Variants in CMSS1 observed in about 807,000 individuals in gnomAD.
CMSS1 encodes cms1 ribosomal small subunit homolog, also known as protein CMSS1.
CMSS1 carries 33 observed loss-of-function variants against 43.5 expected under a neutral mutation model. The ratio of observed to expected loss-of-function variants is 0.76; its 90% CI spans 0.57 to 1.01. CMSS1 has a LOEUF of 1.01. Ranked by LOEUF, CMSS1 falls within the 50% of genes least tolerant of loss-of-function variation. The pLI, the probability that CMSS1 is intolerant of heterozygous loss-of-function variation, is 0.00. For missense variants in CMSS1, 313 were observed against 326.4 expected (o/e 0.96, Z 0.32); for synonymous variants, 115 against 117.2 (o/e 0.98, Z 0.12).
rs1379263052 is a variant in CMSS1 at position 99,976,041 on chromosome 3, T to C, written c.64+157998T>C. On this transcript the variant is annotated intron_variant, in intron 1 of 9. Transcript: ENST00000421999. The stretch of plus-strand genomic sequence containing the variant: ...CTGGGACTACAGGCATGTGCCACTA[T>C]GCCCAGCTAATTTTTGTATTTTTAG... Among the ~76,000 whole-genome samples the C allele has an allele frequency of 7.9e-4, 120 of 152,254 alleles. 1 individual carries two copies. The highest frequency in any genetic ancestry group is 1.0e-4 in the Non-Finnish European group (7 of 68,002).
chr3:100,004,924 C>T (rs1293091593), intron 1 of CMSS1, among the ~76,000 whole-genome samples: 2 of 152,108 alleles, frequency 1.3e-5, no homozygotes, highest in Non-Finnish European at 2.9e-5. Flanking sequence ...GCCTCATACC[C>T]ATTAGATATT....
chr3:100,151,371 T>C (rs2066906574), intron 2 of CMSS1, among the ~76,000 whole-genome samples: 1 of 152,228 alleles, frequency 6.6e-6, no homozygotes, highest in Admixed American at 6.5e-5. Flanking sequence ...TCTGCTTCTC[T>C]TGTCAGGTAC....
intron 6 of CMSS1, among the ~76,000 whole-genome samples, chr3:100,170,469 C>T (rs1234783795): frequency 6.6e-6 from 1 of 152,166 alleles, no homozygotes; most frequent in Admixed American, 6.5e-5. Context: ...AAGGTGGCCC[C>T]AACTGGGGGC....
chr3:99,938,115 G>T (rs1403497704), intron 1 of CMSS1, among the ~76,000 whole-genome samples: 2 of 152,032 alleles, frequency 1.3e-5, no homozygotes, highest in African/African-American at 4.8e-5. Context: ...GTGCTGGGTG[G>T]GGAAGAAATG....
intron 2 of CMSS1, among the ~76,000 whole-genome samples, chr3:100,153,481 C>T (rs2066940717): frequency 6.6e-6 from 1 of 152,214 alleles, no homozygotes; most frequent in African/African-American, 2.4e-5. Context: ...TAGAAGTCTG[C>T]GATCAAGATG....
chr3:100,022,627 A>T (rs976127062), intron 1 of CMSS1, among the ~76,000 whole-genome samples: 4 of 152,218 alleles, frequency 2.6e-5, no homozygotes, highest in Admixed American at 2.6e-4. Flanking sequence ...ATACCCAGAA[A>T]CTGGCCAAGC....
chr3:99,851,187 A>C (rs1041525860), intron 1 of CMSS1: 9 of 798,048 alleles, frequency 1.1e-5, no homozygotes, highest in Non-Finnish European at 1.7e-5. Context: ...GTCAGTTCAT[A>C]TACAATATGC....
intron 2 of CMSS1, among the ~76,000 whole-genome samples, chr3:100,153,371 T>C (rs571398732): frequency 2.0e-5 from 3 of 152,366 alleles, no homozygotes; most frequent in Admixed American, 6.5e-5. Flanking sequence ...TGTCAGTGTA[T>C]AGTATTTCAC....
Position 100,179,093 on chromosome 3 carries a change from G to A in CMSS1, c.*705G>A, listed in dbSNP as rs1314565065. ...CTTGTGAGAACTCACTCCCTATCATGAGAACAGCAGAACAGCAAGGGGAAA... is the reference window on the plus strand; with the variant it reads ...CTTGTGAGAACTCACTCCCTATCATAAGAACAGCAGAACAGCAAGGGGAAA... On this transcript the variant is annotated 3_prime_UTR_variant, in exon 10 of 10. Transcript: ENST00000421999. 6.6e-6 allele frequency: 1 copy of A among 152,288 alleles called. No individual in the cohort carries two copies. Among genetic ancestry groups the A allele is most frequent in the African/African-American group, 2.4e-5 (1 of 41,454 alleles). The allele number at this position is 152,288 out of a possible 1,614,324, so 9.4% of individuals were successfully genotyped here.
chr3:100,009,498 C>T (rs1428329383), intron 1 of CMSS1, among the ~76,000 whole-genome samples: 3 of 150,358 alleles, frequency 2.0e-5, no homozygotes, highest in Non-Finnish European at 4.5e-5. Context: ...TAGGCAAGCA[C>T]GGTATAGGGG....
chr3:99,848,180 G>A (rs1183149264), intron 1 of CMSS1: 1 of 1,539,802 alleles, frequency 6.5e-7, no homozygotes, highest in African/African-American at 1.4e-5. Flanking sequence ...CAAAGTACGA[G>A]TTCAGTCAGT....
intron 2 of CMSS1, among the ~76,000 whole-genome samples, chr3:100,155,162 A>G (rs1265217492): frequency 6.6e-6 from 1 of 152,140 alleles, no homozygotes; most frequent in Admixed American, 6.5e-5. Flanking sequence ...TGGTTCTCCT[A>G]TCTATTATAC....
chr3:99,857,164 T>C (rs1417664287), intron 1 of CMSS1, among the ~76,000 whole-genome samples: 1 of 151,592 alleles, frequency 6.6e-6, no homozygotes, highest in Non-Finnish European at 1.5e-5. Context: ...CTGTCCTAAG[T>C]AGTTTTATTC....
intron 1 of CMSS1, among the ~76,000 whole-genome samples, chr3:100,103,769 A>T (rs543175557): frequency 1.3e-5 from 2 of 152,338 alleles, no homozygotes; most frequent in East Asian, 3.9e-4. Context: ...CCTTGCAATA[A>T]ACATGTTTGT....
chr3:100,000,365 T>A (rs1709807270), intron 1 of CMSS1, among the ~76,000 whole-genome samples: 1 of 152,214 alleles, frequency 6.6e-6, no homozygotes, highest in Non-Finnish European at 1.5e-5. Context: ...TTGTTATCCA[T>A]CCCTCCTACT....
chr3:99,991,994 G>GTA (rs1161596187), intron 1 of CMSS1, among the ~76,000 whole-genome samples: 8 of 145,388 alleles, frequency 5.5e-5, no homozygotes, highest in Admixed American at 2.1e-4. Flanking sequence ...GTATATATAC[G>GTA]TATATATATG....
chr3:100,144,009 C>G (rs746884811), intron 1 of CMSS1, among the ~76,000 whole-genome samples: 7 of 152,098 alleles, frequency 4.6e-5, no homozygotes, highest in Non-Finnish European at 1.0e-4. Context: ...TTTTAAAATT[C>G]ATTCTGTCAA....
chr3:99,915,703 C>T (rs75115126), intron 1 of CMSS1, among the ~76,000 whole-genome samples: 1 of 151,892 alleles, frequency 6.6e-6, no homozygotes, highest in Non-Finnish European at 1.5e-5. Flanking sequence ...TTAGGACATT[C>T]AGCAATTCTC....
chr3:99,845,114 TA>T (rs1262070094), intron 1 of CMSS1, among the ~76,000 whole-genome samples: 2 of 152,196 alleles, frequency 1.3e-5, no homozygotes, highest in Non-Finnish European at 2.9e-5. Context: ...TATGTAATTT[TA>T]TCATGATCTT....
Sources: gnomAD v4.1 joint callset for allele counts (sites outside exome capture counted in the v4.1 genomes callset) on GRCh38, gnomAD v4.1.1 for gene constraint, MANE v1.5 for transcripts, NCBI Gene and HGNC (gene_info 2026-07-23, HGNC 2026-07-21) for gene names.